FOLR3: variants seen among roughly 807,000 people sequenced by gnomAD.
FOLR3 encodes folate receptor 3 (gamma).
In FOLR3, 9 loss-of-function variants were observed where a neutral mutation model predicts 20.0. The ratio of observed to expected loss-of-function variants is 0.45; its 90% CI spans 0.27 to 0.79. The LOEUF is 0.79. Among genes scored for constraint, FOLR3 ranks in the 30% least tolerant of loss-of-function variants. The pLI is 0.15. For synonymous variants in FOLR3, 124 were observed against 115.5 expected (o/e 1.07, Z -0.47); for missense variants, 309 against 323.5 (o/e 0.96, Z 0.34).
At chr11:72,139,216 A>G in intron 3 of FOLR3, 67 bp downstream of exon 3, 2 of 1,566,636 alleles carry the variant, frequency 1.3e-6, no homozygotes, top group Non-Finnish European at 8.7e-7. Flanking sequence ...GCTGGCAGGG[A>G]GGGCTTGGTC....
Position 72,139,714 on chromosome 11 carries a change from C to A in FOLR3, c.621C>A (p.Gly207=). 6.2e-7 allele frequency: 1 copy of A among 1,613,920 alleles called. No homozygotes were observed. The highest frequency in any genetic ancestry group is 2.2e-5 in the East Asian group (1 of 44,878). The part of the protein sequence containing the change: ...FKVSNYSRGS[G]RCIQMWFDSA... The stretch of plus-strand genomic sequence containing the variant: ...TCAGCAACTATAGTCGAGGGAGCGG[C>A]CGCTGCATCCAGATGTGGTTTGACT... The change falls in exon 5 of 5, where the codon GGC becomes GGA. Residue 207 remains glycine, a synonymous_variant. Coordinates refer to ENST00000611028, the MANE Select transcript of FOLR3 (RefSeq NM_000804.4).
intron 2 of FOLR3, among the ~76,000 whole-genome samples, chr11:72,136,797 A>T (rs893803388): frequency 1.3e-5 from 2 of 152,182 alleles, no homozygotes; most frequent in African/African-American, 4.8e-5. Flanking sequence ...CATGAGCTAT[A>T]TGAGAGTGAT....
In FOLR3 at chr11:72,139,021, G is replaced by A. The variant is rs756236653; in HGVS notation, c.229G>A (p.Asp77Asn). 1 of 1,613,982 alleles carries A rather than the reference G, an allele frequency of 6.2e-7. No homozygotes were observed. The highest frequency in any genetic ancestry group is 8.5e-7 in the Non-Finnish European group (1 of 1,179,876). Reference protein sequence around the residue: ...TASTSQELHKDTSRLYNFNWD... With the variant: ...TASTSQELHKNTSRLYNFNWD... ...CAGCACCAGCCAGGAGCTGCACAAGGACACCTCCCGCCTGTACAACTTTAA... is the reference window on the plus strand; with the variant it reads ...CAGCACCAGCCAGGAGCTGCACAAGAACACCTCCCGCCTGTACAACTTTAA... Residue 77 changes from aspartate to asparagine, a missense_variant, in exon 3 of 5, where the codon GAC becomes AAC. Transcript: ENST00000611028.
intron 3 of FOLR3, 27 bp from the exon 4 acceptor site, chr11:72,139,320 G>T (rs778259036): frequency 6.2e-7 from 1 of 1,607,612 alleles, no homozygotes; most frequent in Non-Finnish European, 8.5e-7. Flanking sequence ...GTGGCTGACA[G>T]GAGTATTCTG....
chr11:72,139,154 G>T lies in FOLR3; in HGVS notation c.357+5G>T, dbSNP rs745759365. 6.2e-7 allele frequency: 1 copy of T among 1,609,836 alleles called. No individual in the cohort carries two copies. The highest frequency in any genetic ancestry group is 1.3e-5 in the African/African-American group (1 of 74,858). On this transcript the variant is annotated splice_donor_5th_base_variant and intron_variant, in intron 3 of 4. Coordinates refer to ENST00000611028, the MANE Select transcript of FOLR3 (RefSeq NM_000804.4). ...CTGGGGCCCTGGATCCGGCAGGTATGAGTGCTGTTCCCACAAACATTAACC... is the reference window on the plus strand; with the variant it reads ...CTGGGGCCCTGGATCCGGCAGGTATTAGTGCTGTTCCCACAAACATTAACC...
At position 72,138,951 on chromosome 11, in the gene FOLR3, C is replaced by T. The variant is rs1392826311; in HGVS notation, c.169-10C>T. On this transcript the variant is annotated splice_polypyrimidine_tract_variant and intron_variant, in intron 2 of 4. Transcript: ENST00000611028. The stretch of plus-strand genomic sequence containing the variant: ...GGGGAGAGACTTAGTCCTGTGTCTT[C>T]CCCACCCAGTGCAGTCCCTGGAAGA... 3 of 1,613,660 alleles carry T rather than the reference C, an allele frequency of 1.9e-6. No homozygotes were observed. Among genetic ancestry groups the T allele is most frequent in the African/African-American group, 1.3e-5 (1 of 74,886 alleles).
At position 72,139,690 on chromosome 11, in the gene FOLR3, C is replaced by T. The variant is rs193208888; in HGVS notation, c.597C>T (p.Val199=). The T allele has an allele frequency of 5.0e-3, 8,017 of 1,613,798 alleles. 29 individuals carry two copies. Among genetic ancestry groups the T allele is most frequent in the Middle Eastern group, 0.012 (70 of 5,830 alleles). ...CEGLWSHSFK[V]SNYSRGSGRC... ...GCCTCTGGAGCCACTCCTTCAAGGT[C>T]AGCAACTATAGTCGAGGGAGCGGCC... The change falls in exon 5 of 5, where the codon GTC becomes GTT. Residue 199 remains valine, a synonymous_variant. Coordinates refer to ENST00000611028, the MANE Select transcript of FOLR3 (RefSeq NM_000804.4).
chr11:72,137,818 G>A (rs754234807), intron 2 of FOLR3, among the ~76,000 whole-genome samples: 9 of 152,002 alleles, frequency 5.9e-5, no homozygotes, highest in East Asian at 3.9e-4. Context: ...GTAAGGATTC[G>A]TACTGGGTTG....
chr11:72,137,979 G>A (rs1947761836), intron 2 of FOLR3, among the ~76,000 whole-genome samples: 1 of 152,092 alleles, frequency 6.6e-6, no homozygotes, highest in South Asian at 2.1e-4. Flanking sequence ...TTTCTTCACT[G>A]TGGTGTTCCT....
rs1223745810 is a variant in FOLR3, at chr11:72,139,348, T to A, written c.359T>A (p.Val120Asp). The A allele has an allele frequency of 6.2e-7, 1 of 1,611,024 alleles. No individual in the cohort carries two copies. The change falls in exon 4 of 5, where the codon GTC (valine) becomes GAC (aspartate). Residue 120 changes from valine to aspartate, a missense_variant and splice_region_variant. Physicochemically the swap from Val to Asp is radical, Grantham distance 152 (BLOSUM62 -3). Transcript: ENST00000611028. ...GTATTCTGTCTCCTCCCCACTCAGG[T>A]CAACCAGAGCTGGCGCAAAGAGCGC... ...SPNLGPWIRQ[V>D]NQSWRKERIL...
chr11:72,139,309 C>T (rs758777733), intron 3 of FOLR3, 38 bp from the exon 4 acceptor site: 17 of 1,600,788 alleles, frequency 1.1e-5, no homozygotes, highest in African/African-American at 5.4e-5. Context: ...TGCTGAGATA[C>T]GTGGCTGACA....
chr11:72,139,688 G>A lies in FOLR3; in HGVS notation c.595G>A (p.Val199Ile). 6.2e-7 allele frequency: 1 copy of A among 1,613,764 alleles called. No individual in the cohort carries two copies. The highest frequency in any genetic ancestry group is 8.5e-7 in the Non-Finnish European group (1 of 1,179,946). Residue 199 changes from valine (V) to isoleucine (I), a missense_variant, in exon 5 of 5, where the codon GTC becomes ATC. Transcript: ENST00000611028. ...CEGLWSHSFKVSNYSRGSGRC... is the reference protein window; with the variant it reads ...CEGLWSHSFKISNYSRGSGRC... ...AGGCCTCTGGAGCCACTCCTTCAAG[G>A]TCAGCAACTATAGTCGAGGGAGCGG...
At chr11:72,139,265 C>T in intron 3 of FOLR3, 82 bp from the exon 4 acceptor site, 1 of 1,555,968 alleles carries the variant, frequency 6.4e-7, no homozygotes, top group Admixed American at 1.9e-5. Context: ...GCCCTGCCCC[C>T]TCCCACAGCT....
intron 2 of FOLR3, among the ~76,000 whole-genome samples, chr11:72,137,753 C>A (rs947825867): frequency 6.6e-6 from 1 of 152,078 alleles, no homozygotes; most frequent in African/African-American, 2.4e-5. Context: ...CTCCTTAAAT[C>A]TTAACCTCAC....
chr11:72,139,105 T>G lies in FOLR3; in HGVS notation c.313T>G (p.Cys105Gly), dbSNP rs1947781774. The change falls in exon 3 of 5, where the codon TGT becomes GGT. Residue 105 changes from cysteine to glycine, a missense_variant. Cys to Gly is a radical substitution (Grantham distance 159, BLOSUM62 -3). Transcript: ENST00000611028. Reference protein sequence around the residue: ...TCKRHFIQDSCLYECSPNLGP... With the variant: ...TCKRHFIQDSGLYECSPNLGP... ...CAAGCGCCACTTTATCCAGGACAGC[T>G]GTCTCTATGAGTGCTCACCCAACCT... is the stretch of plus-strand genomic sequence containing the variant. 6.7e-7 allele frequency: 1 copy of G among 1,496,196 alleles called. No homozygotes were observed. Among genetic ancestry groups the G allele is most frequent in the Non-Finnish European group, 8.9e-7 (1 of 1,121,740 alleles). 92.7% of individuals were successfully genotyped at this position (1,496,196 alleles called of 1,614,324 possible).
At position 72,139,392 on chromosome 11, in the gene FOLR3, T is replaced by C; in HGVS notation, c.403T>C (p.Cys135Arg). Residue 135 changes from cysteine (C) to arginine (R), a missense_variant, in exon 4 of 5, where the codon TGC becomes CGC. Cys to Arg is a radical substitution (Grantham distance 180). Transcript: ENST00000611028. ...AGAGCGCATTCTGAACGTGCCCCTGTGCAAAGAGGACTGTGAGCGCTGGTG... is the reference window on the plus strand; with the variant it reads ...AGAGCGCATTCTGAACGTGCCCCTGCGCAAAGAGGACTGTGAGCGCTGGTG... Reference protein sequence around the residue: ...RKERILNVPLCKEDCERWWED... With the variant: ...RKERILNVPLRKEDCERWWED... The C allele has an allele frequency of 6.2e-7, 1 of 1,612,072 alleles. No homozygotes were observed. The highest frequency in any genetic ancestry group is 1.1e-5 in the South Asian group (1 of 90,826).
chr11:72,139,741 A>C lies in FOLR3; in HGVS notation c.648A>C (p.Ser216=), dbSNP rs61746271. Reference sequence around the variant, plus strand: ...GCTGCATCCAGATGTGGTTTGACTCAGCCCAGGGCAACCCCAATGAGGAGG... The same window carrying C: ...GCTGCATCCAGATGTGGTTTGACTCCGCCCAGGGCAACCCCAATGAGGAGG... ...SGRCIQMWFD[S]AQGNPNEEVA... is the part of the protein sequence containing the mutation. The change falls in exon 5 of 5, where the codon TCA becomes TCC. Residue 216 remains serine (S), a synonymous_variant. Transcript: ENST00000611028. 4.9e-3 allele frequency: 7,947 copies of C among 1,614,106 alleles called. 335 individuals carry two copies. The African/African-American group carries it at 0.096, about 19-fold the overall frequency.
In FOLR3 at chr11:72,136,140, G is replaced by A. The variant is rs1207651585; in HGVS notation, c.168+20G>A. The A allele has an allele frequency of 2.5e-5, 41 of 1,613,590 alleles. No homozygotes were observed. Among genetic ancestry groups the A allele is most frequent in the Non-Finnish European group, 3.5e-5 (41 of 1,179,560 alleles). On this transcript the variant is annotated intron_variant, in intron 2 of 4. Transcript: ENST00000611028. ...GGCCAGGTGAGGGCAGCCTGGTGTAGGACAGCATGCACACAGGTCAGAGGG... is the reference window on the plus strand; with the variant it reads ...GGCCAGGTGAGGGCAGCCTGGTGTAAGACAGCATGCACACAGGTCAGAGGG...
At position 72,139,002 on chromosome 11, in the gene FOLR3, C is replaced by T. The variant is rs757539194; in HGVS notation, c.210C>T (p.Thr70=). ...WKKNACCTAS[T]SQELHKDTSR... ...AGAATGCCTGCTGCACGGCCAGCAC[C>T]AGCCAGGAGCTGCACAAGGACACCT... The change falls in exon 3 of 5, where the codon ACC becomes ACT. Residue 70 remains threonine, a synonymous_variant. Transcript: ENST00000611028. 3 of 1,613,872 alleles carry T rather than the reference C, an allele frequency of 1.9e-6. No homozygotes were observed. The highest frequency in any genetic ancestry group is 2.5e-6 in the Non-Finnish European group (3 of 1,179,888).
Sources: allele counts gnomAD v4.1 joint callset (sites outside exome capture counted in the v4.1 genomes callset), GRCh38; gene constraint gnomAD v4.1.1; transcripts MANE v1.5; gene names NCBI Gene and HGNC (gene_info 2026-07-23, HGNC 2026-07-21).